Variants in KLHL29 observed in about 807,000 individuals in gnomAD.
The protein encoded by KLHL29 is kelch-like protein 29.
A neutral mutation model predicts 80.4 loss-of-function variants in KLHL29; 21 were observed. That is an observed-to-expected ratio of 0.26 (90% CI 0.19 to 0.38). The LOEUF (loss-of-function observed/expected upper bound fraction) is 0.38, where lower values mean the gene tolerates loss of function less well. Ranked by LOEUF, KLHL29 falls within the 10% of genes least tolerant of loss-of-function variation. The pLI, the probability that KLHL29 is intolerant of heterozygous loss-of-function variation, is 1.00. For missense variants in KLHL29, 867 were observed against 1,223.9 expected (o/e 0.71, Z 4.35); for synonymous variants, 511 against 526.8 (o/e 0.97, Z 0.41).
At chr2:23,565,903 G>A (rs1320140930) in intron 3 of KLHL29, among the ~76,000 whole-genome samples, 2 of 152,246 alleles carry the variant, frequency 1.3e-5, no homozygotes, top group African/African-American at 4.8e-5. Flanking sequence ...TGGCTAGGCA[G>A]TGCGCAGGGT....
chr2:23,466,963 C>T (rs1322886882), intron 1 of KLHL29, among the ~76,000 whole-genome samples: 1 of 152,162 alleles, frequency 6.6e-6, no homozygotes, highest in Non-Finnish European at 1.5e-5. Flanking sequence ...AGGACAGTGG[C>T]CAGAGAGTTA....
rs370471550 is a variant in KLHL29, at chr2:23,452,949, G to T, written c.-153-22611G>T. Among the ~76,000 whole-genome samples the T allele has an allele frequency of 7.9e-5, 12 of 151,806 alleles. No individual in the cohort carries two copies. In the South Asian group the frequency reaches 2.5e-3, roughly 32 times the overall value. The stretch of plus-strand genomic sequence containing the variant: ...ACACATCCCCCAGCACTTGAGCTGC[G>T]CTTCCACATAACCACTTCCTTTATG... On this transcript the variant is annotated intron_variant, in intron 1 of 13. Transcript: ENST00000486442.
intron 1 of KLHL29, among the ~76,000 whole-genome samples, chr2:23,412,124 G>T (rs1310152291): frequency 1.4e-4 from 2 of 14,558 alleles, no homozygotes; most frequent in East Asian, 7.5e-4. Context: ...GTGCGTGAAG[G>T]GGGGGGGGGG....
intron 3 of KLHL29, among the ~76,000 whole-genome samples, chr2:23,586,421 G>A (rs181386829): frequency 2.8e-4 from 40 of 141,170 alleles, no homozygotes; most frequent in Admixed American, 2.7e-3. Context: ...GTGCAATAGC[G>A]TGGTCTCAGC....
intron 3 of KLHL29, among the ~76,000 whole-genome samples, 159 bp from the exon 4 acceptor site, chr2:23,638,980 T>G (rs886267967): frequency 3.3e-5 from 5 of 152,124 alleles, no homozygotes; most frequent in African/African-American, 1.2e-4. Context: ...CACCAAAGAC[T>G]GGGTGGAGGG....
At chr2:23,399,233 C>T (rs190026218) in intron 1 of KLHL29, among the ~76,000 whole-genome samples, 1 of 152,324 alleles carries the variant, frequency 6.6e-6, no homozygotes, top group East Asian at 1.9e-4. Flanking sequence ...ACTGCATTTC[C>T]CTTTGGGTTC....
intron 3 of KLHL29, among the ~76,000 whole-genome samples, chr2:23,611,747 T>G (rs1398264917): frequency 6.6e-6 from 1 of 152,174 alleles, no homozygotes; most frequent in Non-Finnish European, 1.5e-5. Context: ...CTGCTTACCA[T>G]GTTCCAGATG....
chr2:23,553,246 G>A (rs1005299080), intron 2 of KLHL29, among the ~76,000 whole-genome samples: 10 of 152,264 alleles, frequency 6.6e-5, no homozygotes, highest in African/African-American at 2.2e-4. Flanking sequence ...TGGCTGAGTG[G>A]GGCCTGATGG....
intron 5 of KLHL29, among the ~76,000 whole-genome samples, chr2:23,658,341 G>A (rs961149669): frequency 2.0e-5 from 3 of 152,178 alleles, no homozygotes; most frequent in African/African-American, 7.2e-5. Context: ...GCCCCCGTCA[G>A]CACAGGCTGC....
chr2:23,561,448 C>G (rs1572401775), intron 2 of KLHL29, among the ~76,000 whole-genome samples: 1 of 152,124 alleles, frequency 6.6e-6, no homozygotes, highest in South Asian at 2.1e-4. Flanking sequence ...CTCCGGGTCT[C>G]TGATGCCGCC....
rs1325962182 is a variant in KLHL29, at chr2:23,491,353, C to T, written c.-46+15686C>T. 3.9e-5 allele frequency among the ~76,000 whole-genome samples: 6 copies of T among 152,130 alleles called. No individual in the cohort carries two copies. In the East Asian group the frequency reaches 9.6e-4, roughly 24 times the overall value. ...GACTGGCCTTTAGTACAGGGACCTG[C>T]GCGAATGTGGTCTGGTGGTTCAGTA... On this transcript the variant is annotated intron_variant, in intron 2 of 13. Coordinates refer to ENST00000486442, the MANE Select transcript of KLHL29 (RefSeq NM_052920.2).
chr2:23,453,078 T>G (rs1192378195), intron 1 of KLHL29, among the ~76,000 whole-genome samples: 2 of 151,962 alleles, frequency 1.3e-5, no homozygotes, highest in African/African-American at 4.8e-5. Context: ...AGAACTGTGT[T>G]GTCTCCTTTT....
At chr2:23,468,331 A>G (rs917642948) in intron 1 of KLHL29, among the ~76,000 whole-genome samples, 4 of 152,192 alleles carry the variant, frequency 2.6e-5, no homozygotes, top group Non-Finnish European at 5.9e-5. Context: ...TGGAAACCCA[A>G]AATGAAGCTC....
In KLHL29 at chr2:23,642,399, C is replaced by T. The variant is rs1042459240; in HGVS notation, c.489C>T (p.Ser163=). The change falls in exon 5 of 14, where the codon TCC becomes TCT. Residue 163 remains serine (S), a synonymous_variant. Coordinates refer to ENST00000486442, the MANE Select transcript of KLHL29 (RefSeq NM_052920.2). ...AGNQPTLIAH[S]YGVAQPPTFS... ...ACCAGCCCACCCTGATTGCACACTC[C>T]TATGGAGTGGCCCAGCCTCCCACCT... 2.0e-6 allele frequency: 3 copies of T among 1,480,206 alleles called. No individual in the cohort carries two copies. In the African/African-American group the frequency reaches 4.2e-5, roughly 21 times the overall value. The allele number at this position is 1,480,206 out of a possible 1,614,324, so 91.7% of individuals were successfully genotyped here.
chr2:23,551,946 C>G (rs529319632), intron 2 of KLHL29, among the ~76,000 whole-genome samples: 7 of 152,272 alleles, frequency 4.6e-5, no homozygotes, highest in African/African-American at 1.4e-4. Flanking sequence ...GCTTCACCCT[C>G]TTGCTTTTCC....
intron 1 of KLHL29, among the ~76,000 whole-genome samples, chr2:23,412,215 TG>T (rs1666882965): frequency 6.6e-6 from 1 of 151,408 alleles, no homozygotes; most frequent in Admixed American, 6.6e-5. Flanking sequence ...TGGGGTGCTG[TG>T]GGCTTGTCGA....
intron 5 of KLHL29, among the ~76,000 whole-genome samples, chr2:23,653,741 G>A (rs1378877307): frequency 6.6e-6 from 1 of 152,130 alleles, no homozygotes; most frequent in Non-Finnish European, 1.5e-5. Flanking sequence ...CATGGTCAGG[G>A]GCTTCTCTGG....
chr2:23,597,292 CTCTCATA>C (rs1454566058), intron 3 of KLHL29, among the ~76,000 whole-genome samples: 18 of 39,186 alleles, frequency 4.6e-4, no homozygotes, highest in South Asian at 1.1e-3. Context: ...ATCTCTCTCT[CTCTCATA>C]TATATATATA....
intron 1 of KLHL29, among the ~76,000 whole-genome samples, chr2:23,445,166 T>C (rs1431310502): frequency 6.6e-6 from 1 of 152,202 alleles, no homozygotes; most frequent in African/African-American, 2.4e-5. Context: ...GAAGACTTTA[T>C]ATATGTGGTT....
Sources: gnomAD v4.1 joint callset for allele counts (sites outside exome capture counted in the v4.1 genomes callset) on GRCh38, gnomAD v4.1.1 for gene constraint, MANE v1.5 for transcripts, NCBI Gene and HGNC (gene_info 2026-07-23, HGNC 2026-07-21) for gene names.